The following SRFBP1 variants were observed in gnomAD, a reference collection of about 807,000 sequenced individuals.
SRFBP1 encodes serum response factor binding protein 1.
In SRFBP1, 47 loss-of-function variants were observed where a neutral mutation model predicts 45.5. The ratio of observed to expected loss-of-function variants is 1.03; its 90% CI spans 0.82 to 1.32. The LOEUF (loss-of-function observed/expected upper bound fraction) is 1.32, where lower values mean the gene tolerates loss of function less well. Among genes scored for constraint, SRFBP1 ranks in the 40% most tolerant of loss-of-function variants. SRFBP1 has a pLI of 0.00. For missense variants in SRFBP1, 621 were observed against 484.6 expected (o/e 1.28, Z -2.64); for synonymous variants, 203 against 166.3 (o/e 1.22, Z -1.70).
downstream of SRFBP1, chr5:122,077,279 C>A: frequency 6.3e-7 from 1 of 1,591,558 alleles, no homozygotes; most frequent in Non-Finnish European, 8.5e-7. The surrounding 1 kb of genome is among the most constrained non-coding windows in gnomAD (Gnocchi z 4.9). Flanking sequence ...CCGCCGCGCC[C>A]AGGCAGCCAC....
chr5:122,017,154 G>A (rs574337458), intron 4 of SRFBP1, among the ~76,000 whole-genome samples: 3 of 152,232 alleles, frequency 2.0e-5, no homozygotes, highest in African/African-American at 2.4e-5. Context: ...GCTTGAACCC[G>A]GGAGGCGGAG....
At chr5:122,054,517 T>G (rs74731271) in intron 2 of SRFBP1, among the ~76,000 whole-genome samples, 4,190 of 152,274 alleles carry the variant, frequency 0.028, 209 homozygotes, top group African/African-American at 0.095. Context: ...ATGAGCTGTT[T>G]GTAGTTTGCC....
At chr5:122,019,510 A>G (rs1580529661) in intron 5 of SRFBP1, among the ~76,000 whole-genome samples, 169 bp downstream of exon 5, 1 of 151,938 alleles carries the variant, frequency 6.6e-6, no homozygotes, top group Middle Eastern at 3.4e-3. Context: ...TCTCTGAAGA[A>G]AAACCAAATC....
chr5:121,965,425 AAC>A (rs527984912), intron 1 of SRFBP1, among the ~76,000 whole-genome samples: 73 of 152,330 alleles, frequency 4.8e-4, no homozygotes, highest in African/African-American at 1.7e-3. Flanking sequence ...CAGTTTTCCC[AAC>A]ACCATCTATT....
intron 1 of SRFBP1, among the ~76,000 whole-genome samples, chr5:121,962,499 C>G (rs951309950): frequency 1.3e-5 from 2 of 152,196 alleles, no homozygotes; most frequent in African/African-American, 4.8e-5. Flanking sequence ...GCTGTAGCTT[C>G]TAAGAAATTG....
intron 4 of SRFBP1, among the ~76,000 whole-genome samples, chr5:122,014,109 A>G (rs1440371379): frequency 6.6e-6 from 1 of 152,184 alleles, no homozygotes; most frequent in Non-Finnish European, 1.5e-5. Flanking sequence ...TGATTCTACA[A>G]TGTATGCATG....
chr5:121,999,238 T>G (rs1752804297), intron 4 of SRFBP1, among the ~76,000 whole-genome samples: 1 of 152,210 alleles, frequency 6.6e-6, no homozygotes, highest in East Asian at 1.9e-4. Context: ...CATGGTTTAA[T>G]TCGAAATGTG....
At chr5:122,001,464 A>G (rs1245589590) in intron 4 of SRFBP1, among the ~76,000 whole-genome samples, 3 of 148,044 alleles carry the variant, frequency 2.0e-5, no homozygotes, top group Non-Finnish European at 4.5e-5. Flanking sequence ...ACTCCACACT[A>G]AGTGTTGTAT....
chr5:121,962,929 C>T (rs1751980360), intron 1 of SRFBP1, among the ~76,000 whole-genome samples: 1 of 152,190 alleles, frequency 6.6e-6, no homozygotes, highest in African/African-American at 2.4e-5. Flanking sequence ...GTAACCTATA[C>T]TCAAGTAAGA....
chr5:122,039,872 A>G (rs1172168815), intron 2 of SRFBP1, among the ~76,000 whole-genome samples: 1 of 152,208 alleles, frequency 6.6e-6, no homozygotes, highest in Non-Finnish European at 1.5e-5. Context: ...TAATGTTCTA[A>G]TGCTATATTT....
Position 121,973,016 on chromosome 5 carries a change from C to T in SRFBP1, c.37-1180C>T, listed in dbSNP as rs1752231568. ...CTTCAGTGAATAAGGGAGTGAATGA[C>T]ATGAAGGGTAAGAGAAGATATTAAT... On this transcript the variant is annotated intron_variant, in intron 1 of 7. Transcript: ENST00000339397. Among the ~76,000 whole-genome samples the T allele has an allele frequency of 2.0e-5, 3 of 151,756 alleles. No individual in the cohort carries two copies. The South Asian group carries it at 6.2e-4, about 31-fold the overall frequency.
At chr5:122,035,190 A>G (rs1753673436) in intron 2 of SRFBP1, among the ~76,000 whole-genome samples, 1 of 152,004 alleles carries the variant, frequency 6.6e-6, no homozygotes, top group South Asian at 2.1e-4. Context: ...AGTAGGGAAA[A>G]AGGGTCCTAG....
In SRFBP1 at chr5:122,043,536, C is replaced by A. The variant is rs371370408; in HGVS notation, n.311+21129C>A. 6.5e-4 allele frequency among the ~76,000 whole-genome samples: 99 copies of A among 152,268 alleles called. 3 individuals carry two copies. The South Asian group carries it at 0.017, about 26-fold the overall frequency. On this transcript the variant is annotated intron_variant and non_coding_transcript_variant, in intron 2 of 2. Coordinates refer to the SRFBP1 transcript ENST00000504881. ...CAGCCTGTCGCTGTTTTCTGACTTT[C>A]TTTTGTTTCTGTCAAGTCAGCTCTC...
At chr5:121,993,916 T>C (rs1017247905) in intron 3 of SRFBP1, among the ~76,000 whole-genome samples, 7 of 152,014 alleles carry the variant, frequency 4.6e-5, no homozygotes, top group African/African-American at 1.7e-4. Context: ...ACTTTTTCAT[T>C]GTGACCGGAG....
chr5:121,972,477 A>C (rs1460960796), intron 1 of SRFBP1, among the ~76,000 whole-genome samples: 2 of 151,944 alleles, frequency 1.3e-5, no homozygotes, highest in Admixed American at 6.6e-5. Flanking sequence ...ATGGGGGTCC[A>C]CTTGAGGTTA....
chr5:122,070,690 C>A, intron 2 of SRFBP1: 1 of 615,860 alleles, frequency 1.6e-6, no homozygotes, highest in Non-Finnish European at 2.9e-6. Context: ...TTAGTACTTA[C>A]AAGAGTCTGA....
intron 3 of SRFBP1, among the ~76,000 whole-genome samples, chr5:121,980,310 A>G (rs2112824270): frequency 6.6e-6 from 1 of 152,260 alleles, no homozygotes; most frequent in Non-Finnish European, 1.5e-5. Context: ...CTTTACTATC[A>G]GTGTTGAGTT....
At chr5:122,072,278 A>G (rs1754473016) in intron 2 of SRFBP1, among the ~76,000 whole-genome samples, 2 of 152,212 alleles carry the variant, frequency 1.3e-5, no homozygotes, top group South Asian at 4.1e-4. Flanking sequence ...AGCTTTGATT[A>G]TTTGCACAAG....
chr5:122,013,249 C>A (rs1406674891), intron 4 of SRFBP1, among the ~76,000 whole-genome samples: 1 of 152,018 alleles, frequency 6.6e-6, no homozygotes, highest in Non-Finnish European at 1.5e-5. Context: ...TAACATTTTT[C>A]ATATTTCAAT....
Sources: gnomAD v4.1 joint callset for allele counts (sites outside exome capture counted in the v4.1 genomes callset) on GRCh38, gnomAD v4.1.1 for gene constraint, Gnocchi (gnomAD v3.1) non-coding constraint, MANE v1.5 for transcripts, NCBI Gene and HGNC (gene_info 2026-07-23, HGNC 2026-07-21) for gene names.